CCSER2: variants seen among roughly 807,000 people sequenced by gnomAD.
CCSER2 encodes coiled-coil serine rich protein 2.
Under a neutral mutation model 92.3 loss-of-function variants are expected in CCSER2, and 46 were observed. The ratio of observed to expected loss-of-function variants is 0.50; its 90% confidence interval spans 0.39 to 0.64. The LOEUF is 0.64. CCSER2 is among the 30% of genes least tolerant of loss of function. The pLI, the probability that CCSER2 is intolerant of heterozygous loss-of-function variation, is 0.00. For synonymous variants in CCSER2, 433 were observed against 431.4 expected (o/e 1.00, Z -0.04); for missense variants, 1,244 against 1,238.9 (o/e 1.00, Z -0.06).
Position 84,514,546 on chromosome 10 carries a change from C to A in CCSER2, c.*279C>A. ...AAATCATGTTATCCATCCCTCTCCA[C>A]GTCAGAAAATTCATAATATTTTACT... On this transcript the variant is annotated 3_prime_UTR_variant, in exon 10 of 10. Transcript: ENST00000372088. 5.0e-6 allele frequency: 2 copies of A among 403,296 alleles called. No individual in the cohort carries two copies. Among genetic ancestry groups the A allele is most frequent in the South Asian group, 4.0e-5 (1 of 24,724 alleles). 25.0% of individuals were successfully genotyped at this position (403,296 alleles called of 1,614,324 possible).
Position 84,470,419 on chromosome 10 carries a change from G to GA in CCSER2, c.2202dup (p.Asp735ArgfsTer2). 3 of 1,396,570 alleles carry GA rather than the reference G, an allele frequency of 2.1e-6. No homozygotes were observed. The highest frequency in any genetic ancestry group is 2.6e-5 in the East Asian group (1 of 37,854). 86.5% of individuals were successfully genotyped at this position (1,396,570 alleles called of 1,614,324 possible). ...TAAAACAACTTAAAGACGAAATAAA[G>GA]AAAAAAGATGAAAAGATCCAACTAT... On this transcript the variant is annotated frameshift_variant, in exon 8 of 10. Coordinates refer to ENST00000372088, the MANE Select transcript of CCSER2 (RefSeq NM_001284240.2). LOFTEE classifies it high-confidence loss of function.
chr10:84,439,603 A>G (rs891006814), intron 6 of CCSER2, among the ~76,000 whole-genome samples: 3 of 152,166 alleles, frequency 2.0e-5, no homozygotes, highest in Non-Finnish European at 4.4e-5. Context: ...GGTTAATGTA[A>G]ATATTCTGTT....
intron 1 of CCSER2, among the ~76,000 whole-genome samples, chr10:84,342,299 C>T (rs975387627): frequency 5.3e-5 from 8 of 152,228 alleles, no homozygotes; most frequent in African/African-American, 1.9e-4. Context: ...ATCACAGTAT[C>T]ACAGGCAGCC....
intron 3 of CCSER2, among the ~76,000 whole-genome samples, chr10:84,384,793 A>G (rs1841098661): frequency 6.6e-6 from 1 of 152,214 alleles, no homozygotes; most frequent in Admixed American, 6.5e-5. Flanking sequence ...AGTAAAAGCC[A>G]TCCAAATTAT....
chr10:84,338,912 A>G (rs1418229538), intron 1 of CCSER2, among the ~76,000 whole-genome samples: 1 of 152,042 alleles, frequency 6.6e-6, no homozygotes, highest in Non-Finnish European at 1.5e-5. Flanking sequence ...ATAGTAGTCA[A>G]TATTTAGTGT....
At chr10:84,501,985 G>A (rs1326145607) in intron 9 of CCSER2, among the ~76,000 whole-genome samples, 2 of 145,258 alleles carry the variant, frequency 1.4e-5, no homozygotes, top group East Asian at 4.1e-4. Context: ...AATGACCAGA[G>A]GGCCTGTTCA....
At position 84,334,486 on chromosome 10, in the gene CCSER2, C is replaced by T. The variant is rs559815497; in HGVS notation, c.-40+5678C>T. ...GGAATGTCCTAGAGTTACTTCTCTA[C>T]CTTTAAAGACTTCTGGTTGATTATA... On this transcript the variant is annotated intron_variant, in intron 1 of 9. Transcript: ENST00000372088. Among the ~76,000 whole-genome samples the T allele has an allele frequency of 1.1e-4, 16 of 152,212 alleles. 1 individual carries two copies. The South Asian group carries it at 2.9e-3, about 28-fold the overall frequency.
At chr10:84,441,752 T>A (rs1215259516) in intron 6 of CCSER2, among the ~76,000 whole-genome samples, 1 of 78,098 alleles carries the variant, frequency 1.3e-5, no homozygotes, top group Non-Finnish European at 2.8e-5. Flanking sequence ...TTTTTTTTTT[T>A]TTTTTTTTTT....
At chr10:84,417,929 A>G (rs531846410) in intron 4 of CCSER2, 68 bp downstream of exon 4, 8 of 802,176 alleles carry the variant, frequency 1.0e-5, no homozygotes, top group South Asian at 5.7e-5. Flanking sequence ...CCAATTTGAT[A>G]TTTGTTACTT....
chr10:84,332,138 T>C (rs1843591020), intron 1 of CCSER2, among the ~76,000 whole-genome samples: 1 of 152,156 alleles, frequency 6.6e-6, no homozygotes, highest in Non-Finnish European at 1.5e-5. Flanking sequence ...TCTATCATAC[T>C]TTATAGGTTT....
intron 3 of CCSER2, among the ~76,000 whole-genome samples, chr10:84,380,041 A>G (rs1447797322): frequency 6.6e-6 from 1 of 152,180 alleles, no homozygotes; most frequent in African/African-American, 2.4e-5. Context: ...AACTAGGAAT[A>G]GTGTATTTTC....
chr10:84,425,344 G>T (rs1023710995), intron 4 of CCSER2: 1 of 189,782 alleles, frequency 5.3e-6, no homozygotes, highest in Non-Finnish European at 9.8e-6. Flanking sequence ...TTAAAAATCT[G>T]CTGTTTCCTG....
At chr10:84,477,845 T>C (rs776663304) in intron 9 of CCSER2, among the ~76,000 whole-genome samples, 181 bp downstream of exon 9, 3 of 152,218 alleles carry the variant, frequency 2.0e-5, no homozygotes, top group Non-Finnish European at 4.4e-5. Context: ...TTCTCTTGTG[T>C]GTCTTATGTA....
chr10:84,451,192 T>C (rs1009419034), intron 6 of CCSER2, among the ~76,000 whole-genome samples: 14 of 150,962 alleles, frequency 9.3e-5, no homozygotes, highest in Admixed American at 7.3e-4. Flanking sequence ...CATAGAAATA[T>C]GTGCTGATGT....
chr10:84,505,467 ACT>A (rs1477012572), intron 9 of CCSER2, among the ~76,000 whole-genome samples: 1 of 151,984 alleles, frequency 6.6e-6, no homozygotes, highest in Non-Finnish European at 1.5e-5. Context: ...AATCTGATTG[ACT>A]CTAATGTGTG....
chr10:84,417,715 G>A (rs916615170), intron 3 of CCSER2, 56 bp from the exon 4 acceptor site: 3 of 824,288 alleles, frequency 3.6e-6, no homozygotes, highest in East Asian at 4.9e-5. Context: ...AAAAATAATG[G>A]TTGACATATC....
At chr10:84,333,511 T>G (rs566106548) in intron 1 of CCSER2, among the ~76,000 whole-genome samples, 241 of 152,348 alleles carry the variant, frequency 1.6e-3, no homozygotes, top group Non-Finnish European at 2.6e-3. Context: ...TCAAAAGTAT[T>G]ATCTTATTAT....
chr10:84,465,290 T>TGTGA (rs1163509232), intron 7 of CCSER2, among the ~76,000 whole-genome samples: 33 of 100,708 alleles, frequency 3.3e-4, no homozygotes, highest in South Asian at 1.3e-3. Context: ...TGTGTGTGTG[T>TGTGA]GAAAAAGTTT....
intron 6 of CCSER2, among the ~76,000 whole-genome samples, chr10:84,438,925 T>A (rs1844353756): frequency 6.6e-6 from 1 of 152,210 alleles, no homozygotes; most frequent in Non-Finnish European, 1.5e-5. Context: ...TTATGAGTTG[T>A]GTGATATTTG....
Sources: gnomAD v4.1 joint callset for allele counts (sites outside exome capture counted in the v4.1 genomes callset) on GRCh38, gnomAD v4.1.1 for gene constraint, MANE v1.5 for transcripts, NCBI Gene and HGNC (gene_info 2026-07-23, HGNC 2026-07-21) for gene names.